ANO4: variants seen among roughly 807,000 people sequenced by gnomAD.
ANO4 encodes anoctamin 4, also known as anoctamin-4.
Under a neutral mutation model 141.9 loss-of-function variants are expected in ANO4, and 69 were observed. The observed-to-expected ratio is 0.49, with a 90% CI of 0.40 to 0.59. The LOEUF (loss-of-function observed/expected upper bound fraction) is 0.59. ANO4 is among the 20% of genes least tolerant of loss of function. ANO4 has a pLI of 0.00. For synonymous variants in ANO4, 350 were observed against 394.3 expected, an observed-to-expected ratio of 0.89 and a Z score of 1.33; for missense variants, 894 against 1,162.2, an observed-to-expected ratio of 0.77 and a Z score of 3.36.
At chr12:100,748,437 C>A (rs1730201218) in intron 3 of ANO4, among the ~76,000 whole-genome samples, 1 of 152,126 alleles carries the variant, frequency 6.6e-6, no homozygotes. Context: ...ACCATGTGCC[C>A]AGCCAGCCTG....
Position 100,978,354 on chromosome 12 carries a change from G to C in ANO4, c.602+3465G>C, listed in dbSNP as rs189680140. On this transcript the variant is annotated intron_variant, in intron 7 of 27. Transcript: ENST00000392977. ...GGTGAAAACATTTGCTCAAACAGTGGGGGTGGGATGGACAATAAGGGCTTA... is the reference window on the plus strand; with the variant it reads ...GGTGAAAACATTTGCTCAAACAGTGCGGGTGGGATGGACAATAAGGGCTTA... Among the ~76,000 whole-genome samples, 121 of 152,326 alleles carry C rather than the reference G, an allele frequency of 7.9e-4. 1 individual carries two copies. Among genetic ancestry groups the C allele is most frequent in the Admixed American group, 1.7e-3 (26 of 15,298 alleles).
intron 1 of ANO4, among the ~76,000 whole-genome samples, chr12:100,723,366 G>A (rs1022087423): frequency 6.6e-6 from 1 of 152,094 alleles, no homozygotes; most frequent in Non-Finnish European, 1.5e-5. Flanking sequence ...TGTATGGTGA[G>A]GGCCTGTTTC....
chr12:100,940,364 A>C (rs532393614), intron 4 of ANO4, among the ~76,000 whole-genome samples: 1 of 152,216 alleles, frequency 6.6e-6, no homozygotes, highest in Non-Finnish European at 1.5e-5. Context: ...AAACAGTATC[A>C]GAAATATTAG....
At chr12:100,738,799 CAT>C (rs1036281651) in intron 2 of ANO4, among the ~76,000 whole-genome samples, 35 of 151,688 alleles carry the variant, frequency 2.3e-4, no homozygotes, top group African/African-American at 7.5e-4. Context: ...CCTTTTTTAA[CAT>C]GTGTGTGGTA....
intron 3 of ANO4, among the ~76,000 whole-genome samples, chr12:100,758,036 T>A (rs910384240): frequency 6.6e-6 from 1 of 152,182 alleles, no homozygotes; most frequent in Non-Finnish European, 1.5e-5. Flanking sequence ...ATCGTGAGGA[T>A]CACACCATAC....
chr12:100,878,698 C>T (rs531628014), intron 1 of ANO4, among the ~76,000 whole-genome samples: 14 of 152,230 alleles, frequency 9.2e-5, no homozygotes, highest in African/African-American at 1.9e-4. Flanking sequence ...CTCCCTAAGG[C>T]GTGCTGTTTT....
At chr12:100,989,297 G>A (rs946863422) in intron 8 of ANO4, among the ~76,000 whole-genome samples, 24 of 152,186 alleles carry the variant, frequency 1.6e-4, no homozygotes, top group Non-Finnish European at 2.5e-4. Context: ...GTTTTCTTAA[G>A]AGAAAAAGAC....
At chr12:100,721,006 A>G (rs2030839141) in intron 1 of ANO4, among the ~76,000 whole-genome samples, 1 of 152,202 alleles carries the variant, frequency 6.6e-6, no homozygotes, top group African/African-American at 2.4e-5. Context: ...ATGAGAGCCT[A>G]GGACATCATT....
At chr12:100,969,829 G>A (rs1405064325) in intron 5 of ANO4, among the ~76,000 whole-genome samples, 2 of 152,214 alleles carry the variant, frequency 1.3e-5, no homozygotes, top group African/African-American at 4.8e-5. Context: ...AATCCTATAT[G>A]AGAAAGATGG....
intron 3 of ANO4, among the ~76,000 whole-genome samples, chr12:100,748,925 G>A (rs1253972482): frequency 6.6e-6 from 1 of 152,090 alleles, no homozygotes; most frequent in Non-Finnish European, 1.5e-5. Context: ...TTCCGGTTTG[G>A]TTTATATGGA....
At chr12:101,099,980 C>T (rs1346655650) in intron 22 of ANO4, among the ~76,000 whole-genome samples, 1 of 152,176 alleles carries the variant, frequency 6.6e-6, no homozygotes. Context: ...GGGTTCAAAT[C>T]CCAGCCCTAT....
chr12:100,739,753 T>C (rs971603728), intron 2 of ANO4: 3 of 655,732 alleles, frequency 4.6e-6, no homozygotes, highest in East Asian at 2.7e-5. Context: ...GCTCAAATGG[T>C]ATTTGGTTTG....
At chr12:101,093,123 G>C (rs1407583795) in intron 17 of ANO4, among the ~76,000 whole-genome samples, 2 of 152,158 alleles carry the variant, frequency 1.3e-5, no homozygotes, top group Admixed American at 6.6e-5. Flanking sequence ...TGGACTCCAA[G>C]AGTCTGAGAT....
chr12:100,764,170 A>C (rs1374699982), intron 3 of ANO4, among the ~76,000 whole-genome samples: 1 of 152,238 alleles, frequency 6.6e-6, no homozygotes, highest in East Asian at 1.9e-4. Context: ...TACATTAATA[A>C]CATTCAGCTT....
intron 1 of ANO4, among the ~76,000 whole-genome samples, chr12:100,724,255 G>A (rs1000913434): frequency 6.6e-6 from 1 of 152,196 alleles, no homozygotes; most frequent in African/African-American, 2.4e-5. Context: ...GGGATAATGA[G>A]CACCAGACAC....
intron 1 of ANO4, among the ~76,000 whole-genome samples, chr12:100,815,659 T>C (rs2035691702): frequency 6.6e-6 from 1 of 152,110 alleles, no homozygotes; most frequent in Non-Finnish European, 1.5e-5. Context: ...TTCTCTAGAA[T>C]ACAATTCAGA....
chr12:100,998,426 G>A (rs2045491457), intron 8 of ANO4, among the ~76,000 whole-genome samples: 1 of 136,334 alleles, frequency 7.3e-6, no homozygotes, highest in African/African-American at 2.8e-5. Flanking sequence ...CATCCTATTA[G>A]TTCTGTCCCT....
At chr12:100,997,407 A>C (rs1176923030) in intron 8 of ANO4, among the ~76,000 whole-genome samples, 1 of 151,490 alleles carries the variant, frequency 6.6e-6, no homozygotes, top group African/African-American at 2.4e-5. Flanking sequence ...AATGGAGCCT[A>C]AATACAATTT....
chr12:100,861,445 T>C (rs536231528), intron 1 of ANO4, among the ~76,000 whole-genome samples: 31 of 152,246 alleles, frequency 2.0e-4, no homozygotes, highest in African/African-American at 7.0e-4. Flanking sequence ...TCTAAACATA[T>C]CTAAACATAG....
Sources: gnomAD v4.1 joint callset for allele counts (sites outside exome capture counted in the v4.1 genomes callset) on GRCh38, gnomAD v4.1.1 for gene constraint, MANE v1.5 for transcripts, NCBI Gene and HGNC (gene_info 2026-07-23, HGNC 2026-07-21) for gene names.